Variants in ATXN1 observed in about 807,000 individuals in gnomAD.
ATXN1 encodes the protein ataxin 1, also known as ataxin-1.
ATXN1 carries 8 observed loss-of-function variants against 56.4 expected under a neutral mutation model. That is an observed-to-expected ratio of 0.14 (90% CI 0.08 to 0.26). ATXN1 has a LOEUF of 0.26. ATXN1 is among the 10% of genes least tolerant of loss of function. The pLI is 1.00. For synonymous variants in ATXN1, 514 were observed against 494.6 expected (o/e 1.04, Z -0.52); for missense variants, 987 against 1,106.5 (o/e 0.89, Z 1.53).
chr6:16,622,395 T>C (rs982282783), intron 3 of ATXN1, among the ~76,000 whole-genome samples: 10 of 152,176 alleles, frequency 6.6e-5, no homozygotes, highest in Admixed American at 6.6e-4. Flanking sequence ...TTGGTGGTGG[T>C]CTCATAACGA....
At chr6:16,698,919 C>A (rs12333133) in intron 2 of ATXN1, among the ~76,000 whole-genome samples, 5 of 152,168 alleles carry the variant, frequency 3.3e-5, no homozygotes, top group African/African-American at 1.2e-4. Context: ...TTTAATAATA[C>A]CTGCTTTTTC....
rs1467713598 is a variant in ATXN1, at chr6:16,327,200, T to A, written c.1111A>T (p.Ser371Cys). The change falls in exon 7 of 8, where the codon AGC becomes TGC. Residue 371 changes from serine (S) to cysteine (C), a missense_variant. Physicochemically the swap from Ser to Cys is moderately radical, Grantham distance 112 (BLOSUM62 -1). Transcript: ENST00000436367. The part of the protein sequence containing the change: ...VVVHPSPSDY[S>C]SRDPSGVRAS... ...CGGACCCCCGAAGGATCACGACTGC[T>A]GTAGTCTGAGGGGCTCGGGTGGACC... 1.2e-6 allele frequency: 2 copies of A among 1,614,000 alleles called. No homozygotes were observed. Among genetic ancestry groups the A allele is most frequent in the South Asian group, 2.2e-5 (2 of 91,086 alleles).
At chr6:16,716,810 T>C (rs1759651178) in intron 2 of ATXN1, among the ~76,000 whole-genome samples, 1 of 152,234 alleles carries the variant, frequency 6.6e-6, no homozygotes. Context: ...ACAGGCTGGA[T>C]TTGGCCCATG....
At chr6:16,747,762 T>C (rs1372345935) in intron 2 of ATXN1, among the ~76,000 whole-genome samples, 1 of 152,162 alleles carries the variant, frequency 6.6e-6, no homozygotes, top group Non-Finnish European at 1.5e-5. Flanking sequence ...CTTTCTTCTC[T>C]ATCATCTTGA....
Position 16,306,708 on chromosome 6 carries a change from A to C in ATXN1, c.2069T>G (p.Leu690Arg). ...GCCCTTTTTAACAGAGCCGTTCTTC[A>C]GGTTCTTGAGGGTAAGCGAGATGCA... ...DVCISLTLKNLKNGSVKKGQP... is the reference protein window; with the variant it reads ...DVCISLTLKNRKNGSVKKGQP... Residue 690 changes from leucine (L) to arginine (R), a missense_variant, in exon 8 of 8, where the codon CTG (leucine) becomes CGG (arginine). By Grantham distance (102) the Leu-to-Arg change is moderately radical. This residue lies in a region of ATXN1 where 196 missense variants were observed against 196.7 expected (regional missense o/e 1.00). Transcript: ENST00000436367. This position sits in a 1 kb window ranked among gnomAD's most constrained non-coding sequence, Gnocchi z 5.2. 3.1e-6 allele frequency: 5 copies of C among 1,614,146 alleles called. No individual in the cohort carries two copies. The highest frequency in any genetic ancestry group is 4.2e-6 in the Non-Finnish European group (5 of 1,180,024).
chr6:16,309,548 G>T (rs1218568236), intron 7 of ATXN1, among the ~76,000 whole-genome samples: 2 of 152,100 alleles, frequency 1.3e-5, no homozygotes, highest in Non-Finnish European at 2.9e-5. Context: ...TAATAGGGCA[G>T]AAGTTAATAC....
intron 6 of ATXN1, among the ~76,000 whole-genome samples, chr6:16,425,976 T>C (rs1001535857): frequency 1.3e-5 from 2 of 152,150 alleles, no homozygotes; most frequent in African/African-American, 4.8e-5. Context: ...AACCACTGTC[T>C]GCCACAAGCA....
chr6:16,643,232 A>G (rs2113822834), intron 3 of ATXN1, among the ~76,000 whole-genome samples: 1 of 148,382 alleles, frequency 6.7e-6, no homozygotes, highest in Middle Eastern at 3.6e-3. Context: ...CAGCCTGGCA[A>G]CAAAGCAAGA....
In ATXN1 at chr6:16,610,463, G is replaced by A. The variant is rs1350466636; in HGVS notation, c.-488-24556C>T. Among the ~76,000 whole-genome samples, 4 of 151,762 alleles carry A rather than the reference G, an allele frequency of 2.6e-5. No homozygotes were observed. In the East Asian group the frequency reaches 7.7e-4, roughly 29 times the overall value. On this transcript the variant is annotated intron_variant, in intron 3 of 7. Transcript: ENST00000436367. ...ATACAGGTAACCAGGTCACCAAGGT[G>A]GAAAAAAAATCAGATTTCTGACAAT...
intron 2 of ATXN1, among the ~76,000 whole-genome samples, chr6:16,668,570 T>G (rs984804915): frequency 2.0e-5 from 3 of 151,986 alleles, no homozygotes; most frequent in Non-Finnish European, 2.9e-5. Flanking sequence ...CCATGCTAGT[T>G]TATTTGTGAC....
rs1761211890 is a variant in ATXN1 at position 16,517,716 on chromosome 6, G to GT, written c.-299+4910dup. ...AATACATATGCACAAAAGGATACAG[G>GT]TATGTAGGTGCACACACATGCATAC... On this transcript the variant is annotated intron_variant, in intron 5 of 7. Transcript: ENST00000436367. Among the ~76,000 whole-genome samples, 9 of 152,262 alleles carry GT rather than the reference G, an allele frequency of 5.9e-5. No homozygotes were observed. In the South Asian group the frequency reaches 1.9e-3, roughly 32 times the overall value.
chr6:16,730,648 A>T (rs1327056526), intron 2 of ATXN1, among the ~76,000 whole-genome samples: 2 of 152,062 alleles, frequency 1.3e-5, no homozygotes, highest in African/African-American at 4.8e-5. Flanking sequence ...CTTTTTAGGA[A>T]TAGCACCCTG....
intron 6 of ATXN1, among the ~76,000 whole-genome samples, chr6:16,449,826 G>T (rs903674454): frequency 1.3e-5 from 2 of 152,110 alleles, no homozygotes; most frequent in Admixed American, 6.6e-5. Flanking sequence ...GGGAATCAGG[G>T]TTTTCTCAAT....
At chr6:16,746,626 T>C (rs775659337) in intron 2 of ATXN1, among the ~76,000 whole-genome samples, 1 of 152,224 alleles carries the variant, frequency 6.6e-6, no homozygotes, top group Non-Finnish European at 1.5e-5. Context: ...GTTTGGGACA[T>C]GGTAGCAAGA....
At chr6:16,319,817 A>C (rs1760603081) in intron 7 of ATXN1, among the ~76,000 whole-genome samples, 1 of 152,162 alleles carries the variant, frequency 6.6e-6, no homozygotes, top group Non-Finnish European at 1.5e-5. Context: ...AGTTGGGGGC[A>C]CATATAGCAC....
chr6:16,356,115 G>C (rs1727318827), intron 6 of ATXN1, among the ~76,000 whole-genome samples: 1 of 152,178 alleles, frequency 6.6e-6, no homozygotes, highest in Non-Finnish European at 1.5e-5. Flanking sequence ...GTGAAGTTTA[G>C]CAAATAAAGC....
rs148475055 is a variant in ATXN1, at chr6:16,693,419, G to A, written c.-614-35518C>T. 2.7e-3 allele frequency among the ~76,000 whole-genome samples: 415 copies of A among 152,230 alleles called. 3 individuals are homozygous for A. The highest frequency in any genetic ancestry group is 9.5e-3 in the African/African-American group (393 of 41,548). ...AGACAAGGTATGTGAAAGGGCTTTG[G>A]AAGCTAAAAAGTGCTATATATACCA... On this transcript the variant is annotated intron_variant, in intron 2 of 7. Transcript: ENST00000436367.
intron 3 of ATXN1, among the ~76,000 whole-genome samples, chr6:16,641,126 T>C (rs534550136): frequency 5.9e-5 from 9 of 152,296 alleles, no homozygotes; most frequent in South Asian, 2.1e-4. Flanking sequence ...GAAGAAAAGT[T>C]TGAAGCTAGC....
chr6:16,512,691 C>T (rs1761105439), intron 5 of ATXN1, among the ~76,000 whole-genome samples: 1 of 152,086 alleles, frequency 6.6e-6, no homozygotes, highest in African/African-American at 2.4e-5. Context: ...AAGTTCTGCC[C>T]ACAGATTTTC....
Sources: gnomAD v4.1 joint callset for allele counts (sites outside exome capture counted in the v4.1 genomes callset) on GRCh38, gnomAD v4.1.1 for gene constraint, gnomAD v4.1.1 regional missense constraint, Gnocchi (gnomAD v3.1) non-coding constraint, MANE v1.5 for transcripts, NCBI Gene and HGNC (gene_info 2026-07-23, HGNC 2026-07-21) for gene names.